The following NRXN3 variants were observed in gnomAD, a reference collection of about 807,000 sequenced individuals.
NRXN3 encodes the protein neurexin 3.
In NRXN3, 32 loss-of-function variants were observed where a neutral mutation model predicts 137.6. That is an observed-to-expected ratio of 0.23 (90% CI 0.18 to 0.31). The LOEUF (loss-of-function observed/expected upper bound fraction) is 0.31, where lower values mean the gene tolerates loss of function less well. NRXN3 is among the 10% of genes least tolerant of loss of function. The probability of loss-of-function intolerance (pLI) is 1.00; values close to 1 mark genes in which losing one functional copy is unlikely to be tolerated. For synonymous variants in NRXN3, 798 were observed against 784.5 expected (o/e 1.02, Z -0.29); for missense variants, 1,574 against 2,062.5 (o/e 0.76, Z 4.59).
intron 19 of NRXN3, among the ~76,000 whole-genome samples, chr14:79,726,474 T>A (rs888920570): frequency 6.6e-6 from 1 of 152,178 alleles, no homozygotes; most frequent in African/African-American, 2.4e-5. Context: ...TCACAATATA[T>A]TAAATCCCCC....
chr14:79,250,965 T>C (rs545090396), intron 15 of NRXN3, among the ~76,000 whole-genome samples: 1 of 152,224 alleles, frequency 6.6e-6, no homozygotes, highest in African/African-American at 2.4e-5. Flanking sequence ...AAAATAAAAA[T>C]GGGAAAAATG....
intron 16 of NRXN3, among the ~76,000 whole-genome samples, chr14:79,501,965 T>G (rs2096830543): frequency 6.6e-6 from 1 of 152,190 alleles, no homozygotes; most frequent in Non-Finnish European, 1.5e-5. Flanking sequence ...AAAAAAGATG[T>G]AGAGGCACAA....
At chr14:78,404,583 A>G (rs138960529) in intron 4 of NRXN3, among the ~76,000 whole-genome samples, 3 of 152,300 alleles carry the variant, frequency 2.0e-5, no homozygotes, top group Non-Finnish European at 4.4e-5. Context: ...TCTAGAATCT[A>G]ACAGAAATCA....
At chr14:79,358,573 A>AAAGAAAGAAAGAG (rs2093524122) in intron 15 of NRXN3, among the ~76,000 whole-genome samples, 2 of 133,200 alleles carry the variant, frequency 1.5e-5, no homozygotes, top group Non-Finnish European at 3.2e-5. Context: ...AAAAAAAAAA[A>AAAGAAAGAAAGAG]AGAAAGAAAG....
intron 10 of NRXN3, among the ~76,000 whole-genome samples, chr14:78,834,910 T>A (rs2098992102): frequency 2.0e-5 from 3 of 152,136 alleles, no homozygotes; most frequent in Admixed American, 2.0e-4. Flanking sequence ...CTTGAGAATT[T>A]TTTTTTGTGT....
At chr14:78,505,905 G>A (rs2095979414) in intron 4 of NRXN3, among the ~76,000 whole-genome samples, 1 of 152,092 alleles carries the variant, frequency 6.6e-6, no homozygotes, top group Non-Finnish European at 1.5e-5. Context: ...TGCAAACATC[G>A]ATGATGCCTT....
At chr14:79,302,749 A>C (rs1467797019) in intron 15 of NRXN3, among the ~76,000 whole-genome samples, 2 of 151,918 alleles carry the variant, frequency 1.3e-5, no homozygotes, top group African/African-American at 4.8e-5. Flanking sequence ...CTGCCATGTA[A>C]GATATGCCTT....
intron 6 of NRXN3, among the ~76,000 whole-genome samples, chr14:78,682,689 A>G (rs1420671527): frequency 7.0e-6 from 1 of 142,350 alleles, no homozygotes; most frequent in Non-Finnish European, 1.5e-5. Flanking sequence ...CTACACTGTC[A>G]TTGTGGATGG....
intron 20 of NRXN3, among the ~76,000 whole-genome samples, chr14:79,833,262 T>C (rs1337442412): frequency 6.6e-6 from 1 of 152,152 alleles, no homozygotes; most frequent in Non-Finnish European, 1.5e-5. Flanking sequence ...ATGTTTTACA[T>C]TGAAGGCAAA....
At chr14:78,708,262 A>T (rs2098375351) in intron 6 of NRXN3, among the ~76,000 whole-genome samples, 1 of 152,192 alleles carries the variant, frequency 6.6e-6, no homozygotes, top group Admixed American at 6.5e-5. Flanking sequence ...TGGGTAGGGC[A>T]TGGAGGCAGA....
intron 6 of NRXN3, among the ~76,000 whole-genome samples, chr14:78,660,017 A>T (rs117476157): frequency 1.3e-5 from 2 of 152,166 alleles, no homozygotes; most frequent in East Asian, 3.9e-4. Context: ...GCTACTGGGG[A>T]CAGGGATACA....
intron 16 of NRXN3, among the ~76,000 whole-genome samples, chr14:79,626,961 T>C (rs994016185): frequency 6.6e-5 from 10 of 152,186 alleles, no homozygotes; most frequent in African/African-American, 2.4e-4. Context: ...ATTTTACAGG[T>C]AGCTTTCTGA....
At chr14:79,616,686 G>T (rs928641267) in intron 16 of NRXN3, among the ~76,000 whole-genome samples, 3 of 152,076 alleles carry the variant, frequency 2.0e-5, no homozygotes, top group Non-Finnish European at 4.4e-5. Flanking sequence ...AATAGAATGA[G>T]TTAAGAGATT....
chr14:79,842,928 CTGTGGG>C (rs1234244339), intron 20 of NRXN3, among the ~76,000 whole-genome samples: 1 of 152,128 alleles, frequency 6.6e-6, no homozygotes, highest in East Asian at 1.9e-4. Context: ...TTCTCTATCT[CTGTGGG>C]TATTAGACAT....
chr14:79,218,186 C>T (rs1389876868), intron 15 of NRXN3, among the ~76,000 whole-genome samples: 1 of 152,070 alleles, frequency 6.6e-6, no homozygotes, highest in African/African-American at 2.4e-5. Flanking sequence ...TAGTTTGCAC[C>T]CGAAAGCGTT....
chr14:79,342,310 G>A (rs1409381806), intron 15 of NRXN3, among the ~76,000 whole-genome samples: 2 of 152,200 alleles, frequency 1.3e-5, no homozygotes, highest in African/African-American at 4.8e-5. Flanking sequence ...TAGATGTCCT[G>A]CCAACAACCA....
chr14:78,758,629 C>T (rs2098679552), intron 8 of NRXN3, among the ~76,000 whole-genome samples: 2 of 152,246 alleles, frequency 1.3e-5, no homozygotes, highest in African/African-American at 4.8e-5. Context: ...ATTCCACCTT[C>T]AGGGCAGCTC....
At chr14:78,208,453 C>G (rs535534840) in intron 1 of NRXN3, among the ~76,000 whole-genome samples, 7 of 152,260 alleles carry the variant, frequency 4.6e-5, no homozygotes, top group African/African-American at 1.4e-4. Context: ...TCCTTCCCAC[C>G]TCTCCTCCCC....
intron 8 of NRXN3, among the ~76,000 whole-genome samples, chr14:78,796,871 G>A (rs142146107): frequency 4.1e-4 from 63 of 152,186 alleles, no homozygotes; most frequent in African/African-American, 1.1e-3. Context: ...AAACAAAATC[G>A]TTCATTCTTG....
Sources: allele counts gnomAD v4.1 joint callset (sites outside exome capture counted in the v4.1 genomes callset), GRCh38; gene constraint gnomAD v4.1.1; transcripts MANE v1.5; gene names NCBI Gene and HGNC (gene_info 2026-07-23, HGNC 2026-07-21).